Variants in SRBD1 observed in about 807,000 individuals in gnomAD.
The protein encoded by SRBD1 is S1 RNA-binding domain-containing protein 1.
Under a neutral mutation model 115.3 loss-of-function variants are expected in SRBD1, and 88 were observed. The observed-to-expected ratio is 0.76, with a 90% CI of 0.64 to 0.91. SRBD1 has a LOEUF of 0.91. SRBD1 is among the 40% of genes least tolerant of loss of function. The pLI is 0.00. For missense variants in SRBD1, 1,385 were observed against 1,177.4 expected, an observed-to-expected ratio of 1.18 and a Z score of -2.58; for synonymous variants, 509 against 407.7, an observed-to-expected ratio of 1.25 and a Z score of -2.99.
In SRBD1 at chr2:45,389,250, T is replaced by G; in HGVS notation, c.*60A>C. ...ACCTAGAGTTTACAAACAACTGACT[T>G]ATCCTTGTCAATCTGTGGAAATGAG... On this transcript the variant is annotated 3_prime_UTR_variant, in exon 21 of 21. Transcript: ENST00000263736. The G allele has an allele frequency of 6.4e-7, 1 of 1,565,892 alleles. No individual in the cohort carries two copies. The highest frequency in any genetic ancestry group is 1.2e-5 in the South Asian group (1 of 83,828).
At chr2:45,503,613 G>A (rs992366960) in intron 14 of SRBD1, among the ~76,000 whole-genome samples, 8 of 152,056 alleles carry the variant, frequency 5.3e-5, no homozygotes, top group African/African-American at 1.9e-4. Flanking sequence ...AAAATCTATT[G>A]TACTTCAAAT....
chr2:45,549,384 C>T (rs1672220366), intron 12 of SRBD1, among the ~76,000 whole-genome samples: 4 of 150,948 alleles, frequency 2.6e-5, no homozygotes, highest in Admixed American at 2.6e-4. Flanking sequence ...CCAGCTTCTA[C>T]TAAAAGTTCA....
chr2:45,592,435 G>A (rs1214981560), intron 4 of SRBD1, among the ~76,000 whole-genome samples: 1 of 152,130 alleles, frequency 6.6e-6, no homozygotes, highest in African/African-American at 2.4e-5. Flanking sequence ...TAAAGTCCTA[G>A]GATCAAAGTT....
chr2:45,480,599 G>C (rs1386549552), intron 15 of SRBD1, among the ~76,000 whole-genome samples: 1 of 152,118 alleles, frequency 6.6e-6, no homozygotes, highest in Non-Finnish European at 1.5e-5. Flanking sequence ...GCTTTCTTAG[G>C]GACAAGCAAA....
At chr2:45,597,512 G>A (rs779515812) in intron 4 of SRBD1, among the ~76,000 whole-genome samples, 1 of 152,034 alleles carries the variant, frequency 6.6e-6, no homozygotes, top group Non-Finnish European at 1.5e-5. Context: ...CTAGGGAGCT[G>A]TCATTTTCTA....
Position 45,553,684 on chromosome 2 carries a change from A to G in SRBD1, c.1456T>C (p.Tyr486His), listed in dbSNP as rs760462309. Residue 486 changes from tyrosine to histidine, a missense_variant, in exon 11 of 21, where the codon TAT becomes CAT. Physicochemically the swap from Tyr to His is moderately conservative, Grantham distance 83. Transcript: ENST00000263736. ...TTAAAGGAATCATTCAGTGAATTATATAAGATCTTCATTAACTCTGGCCTT... is the reference window on the plus strand; with the variant it reads ...TTAAAGGAATCATTCAGTGAATTATGTAAGATCTTCATTAACTCTGGCCTT... The part of the protein sequence containing the change: ...FARPELMKIL[Y>H]NSLNDSFKRL... The G allele has an allele frequency of 8.1e-6, 13 of 1,608,894 alleles. No individual in the cohort carries two copies. Among genetic ancestry groups the G allele is most frequent in the East Asian group, 4.5e-5 (2 of 44,764 alleles).
chr2:45,477,166 T>G, intron 15 of SRBD1, 91 bp from the exon 16 acceptor site: 1 of 1,023,654 alleles, frequency 9.8e-7, no homozygotes, highest in Non-Finnish European at 1.5e-6. Flanking sequence ...ATGTAAGTAC[T>G]TAATCCTGTC....
In SRBD1 at chr2:45,418,257, G is replaced by C. The variant is rs1667889407; in HGVS notation, c.2333+108C>G. The C allele has an allele frequency of 4.7e-6, 6 of 1,275,622 alleles. No homozygotes were observed. In the Admixed American group the frequency reaches 1.3e-4, roughly 28 times the overall value. The allele number at this position is 1,275,622 out of a possible 1,614,324, so 79.0% of individuals were successfully genotyped here. On this transcript the variant is annotated intron_variant, in intron 18 of 20. Coordinates refer to ENST00000263736, the MANE Select transcript of SRBD1 (RefSeq NM_018079.5). The stretch of plus-strand genomic sequence containing the variant: ...TCACTCAACACTTAACTGAATGAAG[G>C]CATGAACAATGGACACTTAGAAAAT...
chr2:45,585,873 C>T (rs1288849639), intron 4 of SRBD1, 99 bp from the exon 5 acceptor site: 1 of 926,944 alleles, frequency 1.1e-6, no homozygotes, highest in Non-Finnish European at 1.5e-6. Context: ...TCTCCAGTGA[C>T]TTAGAAACTA....
intron 5 of SRBD1, among the ~76,000 whole-genome samples, chr2:45,584,449 C>T (rs991939080): frequency 1.3e-5 from 2 of 152,212 alleles, no homozygotes. Context: ...CATATTAGCA[C>T]TTTAATTCTC....
At position 45,553,713 on chromosome 2, in the gene SRBD1, A is replaced by T. The variant is rs200822339; in HGVS notation, c.1427T>A (p.Phe476Tyr). The change falls in exon 11 of 21, where the codon TTT (phenylalanine) becomes TAT (tyrosine). Residue 476 changes from phenylalanine to tyrosine, a missense_variant. Phe to Tyr is a conservative substitution (Grantham distance 22, BLOSUM62 3). Transcript: ENST00000263736. ...GATCTTCATTAACTCTGGCCTTGCAAAGCTACGTGGTCTCCACCTGCAAAA... is the reference window on the plus strand; with the variant it reads ...GATCTTCATTAACTCTGGCCTTGCATAGCTACGTGGTCTCCACCTGCAAAA... ...CIQNRWRPRS[F>Y]ARPELMKILY... 38 of 1,601,856 alleles carry T rather than the reference A, an allele frequency of 2.4e-5. No individual in the cohort carries two copies. The highest frequency in any genetic ancestry group is 3.2e-5 in the Non-Finnish European group (37 of 1,174,480).
intron 16 of SRBD1, among the ~76,000 whole-genome samples, chr2:45,470,171 A>G (rs1315975300): frequency 2.6e-5 from 4 of 152,218 alleles, no homozygotes; most frequent in African/African-American, 4.8e-5. Context: ...ATTTAGACCT[A>G]AACTAAAACT....
intron 19 of SRBD1, among the ~76,000 whole-genome samples, chr2:45,408,969 T>A (rs555676187): frequency 7.9e-5 from 12 of 152,300 alleles, no homozygotes; most frequent in African/African-American, 2.9e-4. Flanking sequence ...ACGCCTATAA[T>A]CCCAGCACTT....
At chr2:45,439,201 C>T (rs1389164563) in intron 16 of SRBD1, among the ~76,000 whole-genome samples, 1 of 151,736 alleles carries the variant, frequency 6.6e-6, no homozygotes, top group East Asian at 1.9e-4. Context: ...GCCAGCAGAC[C>T]TACACTACAA....
In SRBD1 at chr2:45,602,028, T is replaced by A; in HGVS notation, c.136A>T (p.Lys46Ter). 6.2e-7 allele frequency: 1 copy of A among 1,614,192 alleles called. No individual in the cohort carries two copies. The highest frequency in any genetic ancestry group is 8.5e-7 in the Non-Finnish European group (1 of 1,180,022). ...GGCTGTTTACGGCTTCTGGGAACTTTCTTTTGGGGCTCCCAGGCACTATCT... is the reference window on the plus strand; with the variant it reads ...GGCTGTTTACGGCTTCTGGGAACTTACTTTTGGGGCTCCCAGGCACTATCT... ...KEDSAWEPQKKVPRSRKQPPP... is the reference protein window; with the variant it reads ...KEDSAWEPQK Residue 46 changes from lysine to a stop codon, truncating the protein, a stop_gained, in exon 3 of 21, where the codon AAA becomes TAA. Transcript: ENST00000263736. LOFTEE classifies it high-confidence loss of function.
chr2:45,421,333 C>G (rs1303142013), intron 16 of SRBD1, among the ~76,000 whole-genome samples: 1 of 151,706 alleles, frequency 6.6e-6, no homozygotes, highest in Non-Finnish European at 1.5e-5. Context: ...CGGTGAAACC[C>G]TGTCTCTACT....
chr2:45,481,239 A>T (rs1378227237), intron 15 of SRBD1, among the ~76,000 whole-genome samples: 14 of 152,300 alleles, frequency 9.2e-5, no homozygotes, highest in African/African-American at 2.9e-4. Context: ...CATTTTTATA[A>T]CTCCTATGTC....
rs533484113 is a variant in SRBD1 at position 45,418,545 on chromosome 2, G to GA, written c.2157-5dup. 4.0e-3 allele frequency: 5,057 copies of GA among 1,269,628 alleles called. No homozygotes were observed. The highest frequency in any genetic ancestry group is 7.6e-3 in the South Asian group (519 of 68,464). 78.6% of individuals were successfully genotyped at this position (1,269,628 alleles called of 1,614,324 possible). On this transcript the variant is annotated splice_region_variant and splice_polypyrimidine_tract_variant and intron_variant, in intron 17 of 20. Transcript: ENST00000263736. Reference sequence around the variant, plus strand: ...GGCATTGAGTCCTGCAATATGCCTAGAAAAAAAAAATAAGCAAACTGAAAA... The same window carrying GA: ...GGCATTGAGTCCTGCAATATGCCTAGAAAAAAAAAAATAAGCAAACTGAAAA...
At chr2:45,611,030 G>T (rs1244118406) in intron 1 of SRBD1, among the ~76,000 whole-genome samples, 189 bp downstream of exon 1, 1 of 152,212 alleles carries the variant, frequency 6.6e-6, no homozygotes, top group Admixed American at 6.5e-5. Context: ...AGCTAGGAGG[G>T]GTTTTCGGGT....
Sources: gnomAD v4.1 joint callset for allele counts (sites outside exome capture counted in the v4.1 genomes callset) on GRCh38, gnomAD v4.1.1 for gene constraint, MANE v1.5 for transcripts, NCBI Gene and HGNC (gene_info 2026-07-23, HGNC 2026-07-21) for gene names.